The following CAMKMT variants were observed in gnomAD, a reference collection of about 807,000 sequenced individuals.
The protein encoded by CAMKMT is CaM KMT.
Under a neutral mutation model 48.0 loss-of-function variants are expected in CAMKMT, and 53 were observed. The observed-to-expected ratio is 1.10, with a 90% confidence interval of 0.89 to 1.39. The LOEUF (loss-of-function observed/expected upper bound fraction) is 1.39. Among genes scored for constraint, CAMKMT ranks in the 40% most tolerant of loss-of-function variants. The pLI is 0.00. For missense variants in CAMKMT, 428 were observed against 402.7 expected (o/e 1.06, Z -0.54); for synonymous variants, 165 against 152.3 (o/e 1.08, Z -0.61).
At chr2:44,495,647 A>G (rs112827742) in intron 3 of CAMKMT, among the ~76,000 whole-genome samples, 1,837 of 152,278 alleles carry the variant, frequency 0.012, 40 homozygotes, top group African/African-American at 0.042. Context: ...AAGGATGTCA[A>G]TTGGAAGCAA....
intron 10 of CAMKMT, among the ~76,000 whole-genome samples, chr2:44,771,745 C>T (rs543465433): frequency 4.1e-4 from 62 of 152,218 alleles, no homozygotes; most frequent in African/African-American, 1.4e-3. Flanking sequence ...GATGAATGAG[C>T]CCCAGCTCTG....
rs181455821 is a variant in CAMKMT at position 44,572,071 on chromosome 2, C to G, written c.377-132212C>G. Among the ~76,000 whole-genome samples the G allele has an allele frequency of 1.2e-3, 190 of 152,138 alleles. 3 individuals are homozygous for G. Among genetic ancestry groups the G allele is most frequent in the Non-Finnish European group, 2.1e-4 (14 of 67,994 alleles). ...AAGTATATTTATGTTGTTGTGCAAC[C>G]ATCACCACCATCCATCTCTAGAACT... On this transcript the variant is annotated intron_variant, in intron 3 of 10. Transcript: ENST00000378494.
chr2:44,753,249 C>CAAAAAAAAAA (rs772390371), intron 8 of CAMKMT, among the ~76,000 whole-genome samples: 2 of 65,440 alleles, frequency 3.1e-5, no homozygotes, highest in East Asian at 4.3e-4. Flanking sequence ...CCTGTCCCTA[C>CAAAAAAAAAA]AAAAAAAAAA....
chr2:44,759,940 A>C (rs1307471804), intron 9 of CAMKMT, among the ~76,000 whole-genome samples: 4 of 152,206 alleles, frequency 2.6e-5, no homozygotes, highest in Non-Finnish European at 2.9e-5. Context: ...TGTTTTGTGA[A>C]TCTTTCGAAT....
rs1193821174 is a variant in CAMKMT, at chr2:44,556,571, G to C, written c.377-147712G>C. Reference sequence around the variant, plus strand: ...TGCAAGCTCCGCTTCCCGGGTTCACGCCATTCTCCTGCCTCAGCCTCCCGA... The same window carrying C: ...TGCAAGCTCCGCTTCCCGGGTTCACCCCATTCTCCTGCCTCAGCCTCCCGA... On this transcript the variant is annotated intron_variant, in intron 3 of 10. Transcript: ENST00000378494. 6.7e-5 allele frequency among the ~76,000 whole-genome samples: 4 copies of C among 59,650 alleles called. 1 individual carries two copies. The East Asian group carries it at 1.2e-3, about 18-fold the overall frequency. 39.1% of individuals were successfully genotyped at this position (59,650 alleles called of 152,430 possible). A position where few individuals can be genotyped will look rare whatever the true frequency, so the allele number is the denominator to read the frequency against.
At chr2:44,602,880 G>A (rs916688673) in intron 3 of CAMKMT, among the ~76,000 whole-genome samples, 1 of 151,936 alleles carries the variant, frequency 6.6e-6, no homozygotes, top group East Asian at 1.9e-4. Flanking sequence ...GAGACAAATC[G>A]TATCACCTGT....
intron 3 of CAMKMT, among the ~76,000 whole-genome samples, chr2:44,506,518 A>G (rs1018564136): frequency 2.6e-5 from 4 of 152,170 alleles, no homozygotes; most frequent in Non-Finnish European, 4.4e-5. Flanking sequence ...CAATATCTGT[A>G]TAATTTATTC....
intron 3 of CAMKMT, among the ~76,000 whole-genome samples, chr2:44,578,871 C>G (rs907617863): frequency 6.6e-6 from 1 of 152,146 alleles, no homozygotes; most frequent in African/African-American, 2.4e-5. Flanking sequence ...CTACAAATGA[C>G]TATTTGGTAC....
At chr2:44,454,989 A>G (rs1368698040) in intron 3 of CAMKMT, among the ~76,000 whole-genome samples, 1 of 152,096 alleles carries the variant, frequency 6.6e-6, no homozygotes, top group Non-Finnish European at 1.5e-5. Context: ...ATCTTAATTT[A>G]CCCATGGATA....
intron 3 of CAMKMT, among the ~76,000 whole-genome samples, chr2:44,456,245 G>A (rs899568235): frequency 5.3e-5 from 8 of 152,152 alleles, no homozygotes; most frequent in African/African-American, 1.7e-4. Flanking sequence ...CACTAGTGAT[G>A]AAGGACTTGA....
intron 3 of CAMKMT, among the ~76,000 whole-genome samples, chr2:44,544,169 T>C (rs1667271693): frequency 6.6e-6 from 1 of 152,024 alleles, no homozygotes; most frequent in Non-Finnish European, 1.5e-5. Context: ...ATACATCCCA[T>C]GTTTATACCT....
At chr2:44,558,074 C>T (rs530186266) in intron 3 of CAMKMT, among the ~76,000 whole-genome samples, 39 of 148,228 alleles carry the variant, frequency 2.6e-4, no homozygotes, top group Non-Finnish European at 4.3e-4. Context: ...TTCATTCATT[C>T]GATGAGATCT....
rs118186168 is a variant in CAMKMT at position 44,752,345 on chromosome 2, C to T, written c.699-1710C>T. Among the ~76,000 whole-genome samples, 16 of 151,856 alleles carry T rather than the reference C, an allele frequency of 1.1e-4. No individual in the cohort carries two copies. In the East Asian group the frequency reaches 3.2e-3, roughly 30 times the overall value. On this transcript the variant is annotated intron_variant, in intron 8 of 10. Coordinates refer to ENST00000378494, the MANE Select transcript of CAMKMT (RefSeq NM_024766.5). Reference sequence around the variant, plus strand: ...AGATCACGTATCCCAATATGGGGTTCAGAAAAAAAGTCCCTATCAATAGGT... The same window carrying T: ...AGATCACGTATCCCAATATGGGGTTTAGAAAAAAAGTCCCTATCAATAGGT...
At chr2:44,449,800 G>A (rs1312674279) in intron 3 of CAMKMT, among the ~76,000 whole-genome samples, 10 of 152,184 alleles carry the variant, frequency 6.6e-5, no homozygotes, top group Middle Eastern at 3.4e-3. Flanking sequence ...GATATTTTAC[G>A]TTCCTTAGTA....
chr2:44,424,853 C>A (rs912019438), intron 3 of CAMKMT, among the ~76,000 whole-genome samples: 1 of 152,052 alleles, frequency 6.6e-6, no homozygotes, highest in Non-Finnish European at 1.5e-5. Context: ...ATCTCACAAA[C>A]CACCACTAAA....
intron 3 of CAMKMT, among the ~76,000 whole-genome samples, chr2:44,605,924 A>G (rs1347859039): frequency 6.6e-6 from 1 of 152,190 alleles, no homozygotes; most frequent in Admixed American, 6.5e-5. Flanking sequence ...TATTGATAGA[A>G]TTATAATAAT....
intron 2 of CAMKMT, among the ~76,000 whole-genome samples, chr2:44,375,156 C>G (rs1679554702): frequency 6.6e-6 from 1 of 151,184 alleles, no homozygotes; most frequent in South Asian, 2.1e-4. Context: ...GCCACCATGC[C>G]TGGCCAGGGT....
chr2:44,533,689 C>G (rs937543820), intron 3 of CAMKMT, among the ~76,000 whole-genome samples: 2 of 152,142 alleles, frequency 1.3e-5, no homozygotes, highest in Non-Finnish European at 2.9e-5. Context: ...AGGTTATCTA[C>G]CATTGTGAAA....
chr2:44,677,511 G>C (rs1296086410), intron 3 of CAMKMT, among the ~76,000 whole-genome samples: 2 of 152,084 alleles, frequency 1.3e-5, no homozygotes, highest in Admixed American at 1.3e-4. Context: ...TTGGAGATAG[G>C]AATTCCATGT....
Sources: allele counts gnomAD v4.1 joint callset (sites outside exome capture counted in the v4.1 genomes callset), GRCh38; gene constraint gnomAD v4.1.1; transcripts MANE v1.5; gene names NCBI Gene and HGNC (gene_info 2026-07-23, HGNC 2026-07-21).